The following GRIK3 variants were observed in gnomAD, a reference collection of about 807,000 sequenced individuals.
GRIK3 encodes glutamate ionotropic receptor kainate type subunit 3.
GRIK3 carries 29 observed loss-of-function variants against 102.5 expected under a neutral mutation model. The ratio of observed to expected loss-of-function variants is 0.28; its 90% CI spans 0.21 to 0.39. The LOEUF is 0.39. Among genes scored for constraint, GRIK3 ranks in the 10% least tolerant of loss-of-function variants. The pLI, the probability that GRIK3 is intolerant of heterozygous loss-of-function variation, is 1.00. For synonymous variants in GRIK3, 511 were observed against 504.9 expected, an observed-to-expected ratio of 1.01 and a Z score of -0.16; for missense variants, 908 against 1,252.4, an observed-to-expected ratio of 0.73 and a Z score of 4.15.
chr1:36,879,689 G>T (rs1213550180), intron 3 of GRIK3, among the ~76,000 whole-genome samples: 3 of 152,170 alleles, frequency 2.0e-5, no homozygotes, highest in Non-Finnish European at 2.9e-5. Flanking sequence ...GACTTGGAAG[G>T]CAGGGCAGGA....
rs34670494 is a variant in GRIK3, at chr1:36,828,073, G to GAAA, written c.1531-2250_1531-2248dup. Among the ~76,000 whole-genome samples the GAAA allele has an allele frequency of 4.2e-3, 525 of 125,788 alleles. 5 individuals carry two copies. The highest frequency in any genetic ancestry group is 0.013 in the African/African-American group (460 of 35,208). 82.5% of individuals were successfully genotyped at this position (125,788 alleles called of 152,430 possible). ...TTCAGGGTATATACAAAAGAAAGCAGAAAAAAAAAAAAAAACTCTCAGGGA... is the reference window on the plus strand; with the variant it reads ...TTCAGGGTATATACAAAAGAAAGCAGAAAAAAAAAAAAAAAAAACTCTCAGGGA... On this transcript the variant is annotated intron_variant, in intron 10 of 15. Coordinates refer to ENST00000373091, the MANE Select transcript of GRIK3 (RefSeq NM_000831.4).
Position 36,804,709 on chromosome 1 carries a change from G to T in GRIK3, c.2565+278C>A. 2 of 549,054 alleles carry T rather than the reference G, an allele frequency of 3.6e-6. 1 individual carries two copies. Among genetic ancestry groups the T allele is most frequent in the South Asian group, 5.4e-5 (2 of 37,080 alleles). The allele number at this position is 549,054 out of a possible 1,614,324, so 34.0% of individuals were successfully genotyped here. Reference sequence around the variant, plus strand: ...CCAGTTGCTGTGTGAATTGTGGATGGTGTTGGGGAAGCATGGAGGCTGGAG... The same window carrying T: ...CCAGTTGCTGTGTGAATTGTGGATGTTGTTGGGGAAGCATGGAGGCTGGAG... On this transcript the variant is annotated intron_variant, in intron 15 of 15. Transcript: ENST00000373091.
intron 1 of GRIK3, among the ~76,000 whole-genome samples, chr1:36,970,072 T>C (rs1642125239): frequency 6.6e-6 from 1 of 152,180 alleles, no homozygotes; most frequent in African/African-American, 2.4e-5. Context: ...TGAGCAGTCA[T>C]TCATCACGTC....
At chr1:36,932,438 G>A (rs7531813) in intron 1 of GRIK3, among the ~76,000 whole-genome samples, 127,448 of 152,062 alleles carry the variant, frequency 0.84, 53,840 homozygotes, top group Admixed American at 0.9. Context: ...AGGAAACACC[G>A]AGCACTTCCA....
intron 1 of GRIK3, among the ~76,000 whole-genome samples, chr1:36,973,308 C>A (rs1401598452): frequency 6.6e-6 from 1 of 152,160 alleles, no homozygotes; most frequent in East Asian, 1.9e-4. Flanking sequence ...TATCTGCACA[C>A]CAGGCCTTTC....
chr1:36,806,513 C>A lies in GRIK3; in HGVS notation c.2092-187G>T, dbSNP rs1642504132. Among the ~76,000 whole-genome samples the A allele has an allele frequency of 6.6e-6, 1 of 152,188 alleles. No homozygotes were observed. The highest frequency in any genetic ancestry group is 2.4e-5 in the African/African-American group (1 of 41,450). ...GGGGCAAAGGTCCCCAAACACACAG[C>A]TGGCCAATGATAAAACGGAAATGTA... On this transcript the variant is annotated intron_variant, in intron 13 of 15. Transcript: ENST00000373091. This position sits in a 1 kb window ranked among gnomAD's most constrained non-coding sequence, Gnocchi z 4.0.
In GRIK3 at chr1:37,034,468, G is replaced by A. The variant is rs1642866133; in HGVS notation, c.-360C>T. 6.6e-6 allele frequency among the ~76,000 whole-genome samples: 1 copy of A among 151,198 alleles called. No homozygotes were observed. Among genetic ancestry groups the A allele is most frequent in the African/African-American group, 2.4e-5 (1 of 41,212 alleles). On this transcript the variant is annotated 5_prime_UTR_variant, in exon 1 of 16. Coordinates refer to ENST00000373091, the MANE Select transcript of GRIK3 (RefSeq NM_000831.4). The stretch of plus-strand genomic sequence containing the variant: ...TGGCGGGCGGGCTGCACGCGTCTCC[G>A]GCCGCTCCTCCTCCAGCCGCCGCCG...
chr1:36,810,527 T>C (rs1642550129), intron 13 of GRIK3, among the ~76,000 whole-genome samples: 1 of 152,244 alleles, frequency 6.6e-6, no homozygotes, highest in Admixed American at 6.5e-5. Context: ...TGACTGAAGA[T>C]ACTTAATCTT....
At chr1:36,843,747 T>G (rs1299782153) in intron 9 of GRIK3, among the ~76,000 whole-genome samples, 7 of 152,184 alleles carry the variant, frequency 4.6e-5, no homozygotes, top group Non-Finnish European at 1.0e-4. Context: ...CTAGGCCTCT[T>G]TCTGTCAGCC....
chr1:36,811,706 C>G (rs1642564582), intron 13 of GRIK3, among the ~76,000 whole-genome samples: 1 of 152,138 alleles, frequency 6.6e-6, no homozygotes, highest in Admixed American at 6.5e-5. Flanking sequence ...AAGGGTCCAG[C>G]CTGCCTCTTT....
At chr1:36,815,458 C>T (rs530817) in intron 13 of GRIK3, among the ~76,000 whole-genome samples, 24 of 152,208 alleles carry the variant, frequency 1.6e-4, no homozygotes, top group Admixed American at 2.6e-4. Context: ...GAGGAGGCAG[C>T]GGCTGGGAGA....
chr1:36,850,935 C>T lies in GRIK3; in HGVS notation c.1213-511G>A, dbSNP rs1422978395. ...TTTACATTTAAAACTGGCAGACACA[C>T]AGACTAAGGTAGAATAATCTCTCTC... On this transcript the variant is annotated intron_variant, in intron 8 of 15. Transcript: ENST00000373091. The surrounding 1 kb of genome is among the most constrained non-coding windows in gnomAD (Gnocchi z 4.0). 6.6e-6 allele frequency among the ~76,000 whole-genome samples: 1 copy of T among 152,238 alleles called. No homozygotes were observed. Among genetic ancestry groups the T allele is most frequent in the African/African-American group, 2.4e-5 (1 of 41,456 alleles).
chr1:36,817,446 G>A (rs1403114702), intron 12 of GRIK3, among the ~76,000 whole-genome samples, 169 bp from the exon 13 acceptor site: 3 of 152,162 alleles, frequency 2.0e-5, no homozygotes, highest in Non-Finnish European at 4.4e-5. Flanking sequence ...TCATCACCTG[G>A]AACTTGTTAG....
intron 1 of GRIK3, among the ~76,000 whole-genome samples, chr1:37,024,445 C>CTATTAT (rs10630686): frequency 0.17 from 25,418 of 145,476 alleles, 2,349 homozygotes; most frequent in Non-Finnish European, 0.2. Context: ...GCAGGTACAA[C>CTATTAT]TATTATTATT....
chr1:36,896,637 A>T (rs1321414140), intron 1 of GRIK3, among the ~76,000 whole-genome samples: 1 of 152,206 alleles, frequency 6.6e-6, no homozygotes, highest in Admixed American at 6.5e-5. Context: ...AACAGTGACA[A>T]ATAAGGTAGA....
At chr1:36,881,423 C>T (rs1640975692) in intron 2 of GRIK3, among the ~76,000 whole-genome samples, 1 of 152,122 alleles carries the variant, frequency 6.6e-6, no homozygotes, top group Non-Finnish European at 1.5e-5. Flanking sequence ...TTGTCCCAAC[C>T]TCCTTCACCT....
At position 36,999,163 on chromosome 1, in the gene GRIK3, G is replaced by A. The variant is rs375750848; in HGVS notation, c.115+34831C>T. On this transcript the variant is annotated intron_variant, in intron 1 of 15. Transcript: ENST00000373091. Reference sequence around the variant, plus strand: ...TTGGAGCTCAAGTACATAAAGTAGAGGGTGGGGTGAGTCAGTTACACATGG... The same window carrying A: ...TTGGAGCTCAAGTACATAAAGTAGAAGGTGGGGTGAGTCAGTTACACATGG... Among the ~76,000 whole-genome samples the A allele has an allele frequency of 4.6e-5, 7 of 152,174 alleles. No homozygotes were observed. The South Asian group carries it at 1.0e-3, about 23-fold the overall frequency.
At chr1:36,824,590 T>A (rs1363990317) in intron 11 of GRIK3, among the ~76,000 whole-genome samples, 2 of 152,096 alleles carry the variant, frequency 1.3e-5, no homozygotes, top group Non-Finnish European at 2.9e-5. Context: ...AAAAAAAGGC[T>A]GAAAACGCCA....
rs2124169831 is a variant in GRIK3, at chr1:36,798,963, C to T, written c.*2888G>A. 6.6e-6 allele frequency: 1 copy of T among 152,374 alleles called. No individual in the cohort carries two copies. The highest frequency in any genetic ancestry group is 2.4e-5 in the African/African-American group (1 of 41,592). 9.4% of individuals were successfully genotyped at this position (152,374 alleles called of 1,614,324 possible). On this transcript the variant is annotated 3_prime_UTR_variant, in exon 16 of 16. Coordinates refer to ENST00000373091, the MANE Select transcript of GRIK3 (RefSeq NM_000831.4). The stretch of plus-strand genomic sequence containing the variant: ...CACAATCCACATATATGCATAGCCT[C>T]TGAAGAACATGCTCATGTAGCATCA...
Sources: gnomAD v4.1 joint callset for allele counts (sites outside exome capture counted in the v4.1 genomes callset) on GRCh38, gnomAD v4.1.1 for gene constraint, Gnocchi (gnomAD v3.1) non-coding constraint, MANE v1.5 for transcripts, NCBI Gene and HGNC (gene_info 2026-07-23, HGNC 2026-07-21) for gene names.